The following ACO2 variants were observed in gnomAD, a reference collection of about 807,000 sequenced individuals.
The protein encoded by ACO2 is aconitate hydratase, mitochondrial.
A neutral mutation model predicts 84.5 loss-of-function variants in ACO2; 31 were observed. The observed-to-expected ratio is 0.37, with a 90% CI of 0.28 to 0.50. The LOEUF (loss-of-function observed/expected upper bound fraction) is 0.50. ACO2 is among the 20% of genes least tolerant of loss of function. The pLI is 0.97. For missense variants in ACO2, 685 were observed against 1,029.3 expected, an observed-to-expected ratio of 0.67 and a Z score of 4.58; for synonymous variants, 414 against 412.7, an observed-to-expected ratio of 1.00 and a Z score of -0.04.
Position 41,528,909 on chromosome 22 carries a change from T to G in ACO2, c.*296T>G, listed in dbSNP as rs544096793. 390 of 519,188 alleles carry G rather than the reference T, an allele frequency of 7.5e-4. 3 individuals are homozygous for G. Among genetic ancestry groups the G allele is most frequent in the Middle Eastern group, 6.6e-3 (13 of 1,982 alleles). The allele number at this position is 519,188 out of a possible 1,614,324, so 32.2% of individuals were successfully genotyped here. A position where few individuals can be genotyped will look rare whatever the true frequency, so the allele number is the denominator to read the frequency against. ...AAAGTTTTTCTCCTGCCTGATCATT[T>G]CATTGGTGGCTGAAGGATTCTAGAG... On this transcript the variant is annotated 3_prime_UTR_variant, in exon 18 of 18. Transcript: ENST00000216254.
intron 1 of ACO2, among the ~76,000 whole-genome samples, chr22:41,486,469 ATTTT>A (rs1186941362): frequency 9.6e-6 from 1 of 104,484 alleles, no homozygotes; most frequent in Non-Finnish European, 2.0e-5. Flanking sequence ...AACTTTTTGT[ATTTT>A]TTTTTTTTTT....
chr22:41,493,365 A>G (rs1741513000), intron 1 of ACO2, among the ~76,000 whole-genome samples: 1 of 152,140 alleles, frequency 6.6e-6, no homozygotes. Flanking sequence ...AATTAAAAAA[A>G]AAAAATACAG....
At chr22:41,502,053 G>A (rs1361803741) in intron 2 of ACO2, among the ~76,000 whole-genome samples, 1 of 152,070 alleles carries the variant, frequency 6.6e-6, no homozygotes, top group Admixed American at 6.6e-5. Flanking sequence ...AAGTCAGGTT[G>A]GGGAAATACC....
intron 8 of ACO2, 24 bp downstream of exon 8, chr22:41,518,596 C>G (rs763354457): frequency 6.3e-7 from 1 of 1,576,048 alleles, no homozygotes; most frequent in Non-Finnish European, 8.7e-7. Context: ...TAACTGGGTT[C>G]AAGAAGTTTC....
intron 15 of ACO2, 22 bp downstream of exon 15, chr22:41,526,475 C>T: frequency 1.9e-6 from 3 of 1,601,434 alleles, no homozygotes; most frequent in African/African-American, 1.3e-5. Context: ...TTGATAGGGG[C>T]AATGCCAGTG....
At chr22:41,485,823 G>A (rs1162607979) in intron 1 of ACO2, among the ~76,000 whole-genome samples, 4 of 152,106 alleles carry the variant, frequency 2.6e-5, no homozygotes, top group Non-Finnish European at 5.9e-5. Context: ...CCGACCTCAG[G>A]TGATCCGCCT....
At chr22:41,516,937 C>T (rs1156497365) in intron 6 of ACO2, among the ~76,000 whole-genome samples, 3 of 151,868 alleles carry the variant, frequency 2.0e-5, no homozygotes, top group South Asian at 2.1e-4. Context: ...ACCATGTTGG[C>T]CAGGCTGGTC....
intron 6 of ACO2, 181 bp downstream of exon 6, chr22:41,516,098 C>T: frequency 1.3e-6 from 1 of 759,558 alleles, no homozygotes; most frequent in East Asian, 2.7e-5. Flanking sequence ...TAGTCCACAT[C>T]CTCATTAAAC....
Position 41,528,937 on chromosome 22 carries a change from C to G in ACO2, c.*324C>G, listed in dbSNP as rs1053566320. 1 of 510,964 alleles carries G rather than the reference C, an allele frequency of 2.0e-6. No individual in the cohort carries two copies. The highest frequency in any genetic ancestry group is 3.5e-6 in the Non-Finnish European group (1 of 289,288). 31.7% of individuals were successfully genotyped at this position (510,964 alleles called of 1,614,324 possible). On this transcript the variant is annotated 3_prime_UTR_variant, in exon 18 of 18. Transcript: ENST00000216254. ...TTGGTGGCTGAAGGATTCTAGAGAA[C>G]CTTTTGTTCTTGCAAGGAAAACAAG... is the stretch of plus-strand genomic sequence containing the variant.
intron 9 of ACO2, among the ~76,000 whole-genome samples, chr22:41,520,700 G>A (rs750515010): frequency 6.6e-6 from 1 of 152,102 alleles, no homozygotes; most frequent in Non-Finnish European, 1.5e-5. Context: ...AAATTAGCCA[G>A]GGGTGGTGGC....
intron 2 of ACO2, among the ~76,000 whole-genome samples, chr22:41,500,815 T>G (rs1010152307): frequency 2.6e-5 from 4 of 152,102 alleles, no homozygotes; most frequent in Non-Finnish European, 5.9e-5. Context: ...GCAATTCTCA[T>G]GCCTCAGCCT....
intron 1 of ACO2, among the ~76,000 whole-genome samples, chr22:41,470,285 G>A (rs557913431): frequency 6.6e-6 from 1 of 152,306 alleles, no homozygotes; most frequent in African/African-American, 2.4e-5. Context: ...TTTGGATCAA[G>A]TGGCGCAACT....
At chr22:41,469,307 T>G in intron 1 of ACO2, 125 bp downstream of exon 1, 1 of 1,213,850 alleles carries the variant, frequency 8.2e-7, no homozygotes, top group Non-Finnish European at 1.1e-6. Context: ...CCTGTCCCGG[T>G]TGTGGGCCCG....
chr22:41,504,292 C>T (rs1016609526), intron 2 of ACO2, among the ~76,000 whole-genome samples: 29 of 152,262 alleles, frequency 1.9e-4, no homozygotes, highest in African/African-American at 6.7e-4. Flanking sequence ...ACTTGCTGGG[C>T]GACTTCTCTT....
rs180888613 is a variant in ACO2 at position 41,494,884 on chromosome 22, C to T, written c.37-4842C>T. The stretch of plus-strand genomic sequence containing the variant: ...GAGTAGCTGGGATTACAGGCGTCTG[C>T]CACCACACCCTGCTAATTTTTGTAT... On this transcript the variant is annotated intron_variant, in intron 1 of 17. Transcript: ENST00000216254. 3.5e-3 allele frequency among the ~76,000 whole-genome samples: 536 copies of T among 151,962 alleles called. 3 individuals are homozygous for T. The highest frequency in any genetic ancestry group is 5.1e-3 in the Non-Finnish European group (348 of 68,004).
At chr22:41,493,147 T>C (rs1255345920) in intron 1 of ACO2, among the ~76,000 whole-genome samples, 1 of 152,112 alleles carries the variant, frequency 6.6e-6, no homozygotes, top group Admixed American at 6.6e-5. Flanking sequence ...AACCCACTTC[T>C]GTAATAACAG....
intron 1 of ACO2, among the ~76,000 whole-genome samples, chr22:41,470,298 G>C (rs2037928745): frequency 6.6e-6 from 1 of 152,168 alleles, no homozygotes. Flanking sequence ...GCGCAACTTT[G>C]ATAATAGAAT....
chr22:41,520,383 C>T, intron 9 of ACO2, 107 bp downstream of exon 9: 6 of 839,106 alleles, frequency 7.2e-6, no homozygotes, highest in Non-Finnish European at 1.1e-5. Flanking sequence ...CTAAGGTGGG[C>T]AGTTTCTGAA....
intron 1 of ACO2, among the ~76,000 whole-genome samples, chr22:41,472,347 C>T (rs893892247): frequency 7.5e-5 from 11 of 147,300 alleles, no homozygotes; most frequent in South Asian, 2.1e-4. Flanking sequence ...AGTGAGACTC[C>T]GTCTCAAAAA....
Sources: gnomAD v4.1 joint callset for allele counts (sites outside exome capture counted in the v4.1 genomes callset) on GRCh38, gnomAD v4.1.1 for gene constraint, MANE v1.5 for transcripts, NCBI Gene and HGNC (gene_info 2026-07-23, HGNC 2026-07-21) for gene names.